AHCYL1: variants seen among roughly 807,000 people sequenced by gnomAD.
The protein encoded by AHCYL1 is S-adenosylhomocysteine hydrolase-like protein 1.
In AHCYL1, 20 loss-of-function variants were observed where a neutral mutation model predicts 79.3. The ratio of observed to expected loss-of-function variants is 0.25; its 90% CI spans 0.18 to 0.37. The LOEUF is 0.37. AHCYL1 is among the 10% of genes least tolerant of loss of function. AHCYL1 has a pLI of 1.00. For synonymous variants in AHCYL1, 223 were observed against 242.2 expected (o/e 0.92, Z 0.74); for missense variants, 330 against 673.6 (o/e 0.49, Z 5.65).
intron 15 of AHCYL1, among the ~76,000 whole-genome samples, chr1:110,020,027 T>C (rs1292036282): frequency 6.6e-6 from 1 of 152,234 alleles, no homozygotes; most frequent in Non-Finnish European, 1.5e-5. Flanking sequence ...ATCCAATCTC[T>C]TGTAAGCAAC....
intron 1 of AHCYL1, among the ~76,000 whole-genome samples, chr1:109,990,884 T>G (rs889941566): frequency 3.9e-5 from 6 of 152,226 alleles, no homozygotes; most frequent in Non-Finnish European, 5.9e-5. Context: ...TTGCAAAGAC[T>G]TCTGAACTGT....
At chr1:110,019,221 TC>T in intron 14 of AHCYL1, 102 bp downstream of exon 14, 1 of 1,179,326 alleles carries the variant, frequency 8.5e-7, no homozygotes, top group Non-Finnish European at 1.2e-6. Flanking sequence ...ATCATCCTAT[TC>T]TTTTTTGATG....
intron 7 of AHCYL1, among the ~76,000 whole-genome samples, 171 bp from the exon 8 acceptor site, chr1:110,016,173 A>C (rs996161557): frequency 6.6e-6 from 1 of 152,162 alleles, no homozygotes; most frequent in African/African-American, 2.4e-5. Flanking sequence ...AATGAAAAGA[A>C]GTGTGGAGGG....
chr1:109,997,127 C>G (rs1166714793), intron 1 of AHCYL1, among the ~76,000 whole-genome samples: 1 of 152,242 alleles, frequency 6.6e-6, no homozygotes, highest in African/African-American at 2.4e-5. Flanking sequence ...GATTCTGACT[C>G]TGTTCTCCCT....
chr1:110,008,481 A>G (rs1650809079), intron 1 of AHCYL1, among the ~76,000 whole-genome samples: 1 of 152,126 alleles, frequency 6.6e-6, no homozygotes, highest in South Asian at 2.1e-4. Context: ...GAGATATTAC[A>G]TTGGCTTTGT....
intron 1 of AHCYL1, among the ~76,000 whole-genome samples, chr1:110,006,117 T>C (rs1471445335): frequency 6.6e-6 from 1 of 152,226 alleles, no homozygotes; most frequent in East Asian, 1.9e-4. Context: ...ATTTGAAGAA[T>C]GGGTCAATCT....
At chr1:110,020,636 G>C in intron 15 of AHCYL1, 95 bp from the exon 16 acceptor site, 2 of 1,442,020 alleles carry the variant, frequency 1.4e-6, no homozygotes, top group Non-Finnish European at 1.9e-6. Context: ...TCCCTTGTCT[G>C]CTTTCTTAAA....
intron 1 of AHCYL1, among the ~76,000 whole-genome samples, chr1:109,996,359 A>C (rs1321364045): frequency 1.3e-5 from 2 of 152,242 alleles, no homozygotes; most frequent in Non-Finnish European, 2.9e-5. Flanking sequence ...AACCATGACC[A>C]GGAATCATGT....
intron 1 of AHCYL1, among the ~76,000 whole-genome samples, chr1:109,994,373 C>T (rs900659095): frequency 1.3e-5 from 2 of 152,232 alleles, no homozygotes; most frequent in Non-Finnish European, 2.9e-5. Context: ...AACAGTTCTC[C>T]TGCCTCAGCC....
At chr1:110,006,292 C>T (rs1261244197) in intron 1 of AHCYL1, among the ~76,000 whole-genome samples, 1 of 152,188 alleles carries the variant, frequency 6.6e-6, no homozygotes, top group African/African-American at 2.4e-5. Flanking sequence ...ATTTCAGCCA[C>T]TTTATTTCCT....
chr1:110,010,980 A>G (rs1650986743), intron 2 of AHCYL1, among the ~76,000 whole-genome samples: 1 of 152,180 alleles, frequency 6.6e-6, no homozygotes, highest in Admixed American at 6.5e-5. Context: ...CATAGGCACT[A>G]ATAGCACAGT....
chr1:110,005,282 A>G (rs955097671), intron 1 of AHCYL1, among the ~76,000 whole-genome samples: 1 of 152,212 alleles, frequency 6.6e-6, no homozygotes, highest in Non-Finnish European at 1.5e-5. Flanking sequence ...CTTTTTGAGG[A>G]AATTAAAAGC....
At chr1:109,998,203 A>G (rs2101704132) in intron 1 of AHCYL1, among the ~76,000 whole-genome samples, 1 of 152,356 alleles carries the variant, frequency 6.6e-6, no homozygotes, top group East Asian at 1.9e-4. Context: ...TAACCAAAAG[A>G]ATTTCACACC....
chr1:110,021,617 T>G (rs1369003590), intron 16 of AHCYL1, 57 bp from the exon 17 acceptor site: 3 of 1,584,856 alleles, frequency 1.9e-6, no homozygotes, highest in Admixed American at 3.4e-5. Context: ...CCGATTGTTT[T>G]TTGGAATTCT....
chr1:109,996,689 G>C (rs1409869549), intron 1 of AHCYL1, among the ~76,000 whole-genome samples: 1 of 152,220 alleles, frequency 6.6e-6, no homozygotes, highest in African/African-American at 2.4e-5. Context: ...CAGTAGGTTT[G>C]TTACACCAGC....
intron 6 of AHCYL1, 136 bp downstream of exon 6, chr1:110,014,993 C>T (rs1651314325): frequency 2.5e-6 from 2 of 804,908 alleles, no homozygotes; most frequent in Non-Finnish European, 4.1e-6. Context: ...TAGCTTGATA[C>T]CTATTCAGAA....
intron 1 of AHCYL1, among the ~76,000 whole-genome samples, chr1:109,989,508 C>G (rs1393372275): frequency 6.6e-6 from 1 of 152,128 alleles, no homozygotes; most frequent in African/African-American, 2.4e-5. Flanking sequence ...CAAGAGCCAC[C>G]ACGCCCACCC....
chr1:110,013,015 T>TC lies in AHCYL1; in HGVS notation c.580+19dup. On this transcript the variant is annotated intron_variant, in intron 5 of 16. Transcript: ENST00000369799. ...GCTGAGGCTGGTAAGTTCGGTTTTT[T>TC]CCCACCAACTTTGCCCCAAAATAGT... The TC allele has an allele frequency of 1.3e-6, 2 of 1,593,652 alleles. No individual in the cohort carries two copies. The highest frequency in any genetic ancestry group is 1.7e-6 in the Non-Finnish European group (2 of 1,171,544).
intron 5 of AHCYL1, among the ~76,000 whole-genome samples, 159 bp from the exon 6 acceptor site, chr1:110,014,604 T>C (rs577814744): frequency 6.6e-6 from 1 of 152,366 alleles, no homozygotes; most frequent in African/African-American, 2.4e-5. Flanking sequence ...ACCTAATTAA[T>C]TTCTGAACCA....
Sources: allele counts gnomAD v4.1 joint callset (sites outside exome capture counted in the v4.1 genomes callset), GRCh38; gene constraint gnomAD v4.1.1; transcripts MANE v1.5; gene names NCBI Gene and HGNC (gene_info 2026-07-23, HGNC 2026-07-21).